Variants in DAGLA observed in about 807,000 individuals in gnomAD.
The protein encoded by DAGLA is diacylglycerol lipase alpha.
Under a neutral mutation model 102.6 loss-of-function variants are expected in DAGLA, and 22 were observed. The ratio of observed to expected loss-of-function variants is 0.21; its 90% CI spans 0.15 to 0.31. The LOEUF is 0.31. Ranked by LOEUF, DAGLA falls within the 10% of genes least tolerant of loss-of-function variation. The pLI is 1.00. For synonymous variants in DAGLA, 578 were observed against 628.9 expected, an observed-to-expected ratio of 0.92 and a Z score of 1.21; for missense variants, 927 against 1,446.6, an observed-to-expected ratio of 0.64 and a Z score of 5.83.
chr11:61,688,426 C>T (rs2065001774), intron 1 of DAGLA, among the ~76,000 whole-genome samples: 1 of 152,170 alleles, frequency 6.6e-6, no homozygotes, highest in African/African-American at 2.4e-5. Flanking sequence ...AAGGCATCTG[C>T]ACCCACCCTC....
At position 61,743,965 on chromosome 11, in the gene DAGLA, C is replaced by A. The variant is rs746432570; in HGVS notation, c.2605C>A (p.Arg869=). 1 of 1,611,726 alleles carries A rather than the reference C, an allele frequency of 6.2e-7. No individual in the cohort carries two copies. The highest frequency in any genetic ancestry group is 1.3e-5 in the African/African-American group (1 of 75,028). ...ALGSGGVTPE[R]PPSAAANDEE... ...GGGCAGTGGCGGCGTCACTCCTGAG[C>A]GGCCCCCCAGTGCTGCGGCCAATGA... Residue 869 remains arginine (R), a synonymous_variant, in exon 20 of 20, where the codon CGG becomes AGG. Coordinates refer to ENST00000257215, the MANE Select transcript of DAGLA (RefSeq NM_006133.3).
Position 61,739,454 on chromosome 11 carries a change from A to C in DAGLA, c.1657-11A>C, listed in dbSNP as rs1591054111. ...GCTCTGTCCCCATCTCTCCCACTCC[A>C]CCCCGCGCAGTGGCGGATCATCGTG... On this transcript the variant is annotated splice_polypyrimidine_tract_variant and intron_variant, in intron 16 of 19. Coordinates refer to ENST00000257215, the MANE Select transcript of DAGLA (RefSeq NM_006133.3). 1.3e-6 allele frequency: 2 copies of C among 1,585,126 alleles called. No homozygotes were observed. The highest frequency in any genetic ancestry group is 1.5e-5 in the African/African-American group (1 of 68,476).
chr11:61,681,462 G>A (rs574886331), intron 1 of DAGLA, among the ~76,000 whole-genome samples: 46 of 152,264 alleles, frequency 3.0e-4, no homozygotes, highest in African/African-American at 9.1e-4. Context: ...CCCAGAATAT[G>A]TCCTGAGAAG....
Position 61,728,193 on chromosome 11 carries a change from T to A in DAGLA, c.677T>A (p.Phe226Tyr), listed in dbSNP as rs1199338512. 1 of 1,614,186 alleles carries A rather than the reference T, an allele frequency of 6.2e-7. No homozygotes were observed. Among genetic ancestry groups the A allele is most frequent in the African/African-American group, 1.3e-5 (1 of 75,058 alleles). Residue 226 changes from phenylalanine to tyrosine, a missense_variant, in exon 7 of 20, where the codon TTC becomes TAC. By Grantham distance (22) the Phe-to-Tyr change is conservative. Around this residue, in one of 4 missense-constraint regions of DAGLA, gnomAD observed 231 missense variants for 439.8 expected, o/e 0.53. Coordinates refer to ENST00000257215, the MANE Select transcript of DAGLA (RefSeq NM_006133.3). Reference protein sequence around the residue: ...SEIAYLFAEFFRDLDIVPSDI... With the variant: ...SEIAYLFAEFYRDLDIVPSDI... ...ATCGCCTACCTCTTTGCGGAGTTCT[T>A]CCGGGACCTTGACATTGTGCCATCC...
intron 1 of DAGLA, among the ~76,000 whole-genome samples, chr11:61,713,788 G>T: frequency 6.6e-6 from 1 of 152,226 alleles, no homozygotes; most frequent in East Asian, 1.9e-4. Flanking sequence ...CAGCCTCACT[G>T]TGCTGAGTCC....
At chr11:61,708,672 C>T (rs1311754944) in intron 1 of DAGLA, among the ~76,000 whole-genome samples, 1 of 152,206 alleles carries the variant, frequency 6.6e-6, no homozygotes, top group East Asian at 1.9e-4. Flanking sequence ...CGTGAGCCAC[C>T]ACGCCCAGCC....
intron 1 of DAGLA, among the ~76,000 whole-genome samples, chr11:61,690,401 C>T (rs1292071101): frequency 6.6e-6 from 1 of 152,152 alleles, no homozygotes; most frequent in Non-Finnish European, 1.5e-5. Context: ...GAGGGAGTTC[C>T]TGGGTTGGCA....
intron 6 of DAGLA, among the ~76,000 whole-genome samples, chr11:61,727,186 G>A (rs765567237): frequency 1.3e-5 from 2 of 152,272 alleles, no homozygotes; most frequent in African/African-American, 2.4e-5. Context: ...AGCGTGTGTT[G>A]TGTTGCTTAC....
intron 8 of DAGLA, among the ~76,000 whole-genome samples, chr11:61,730,583 AGCTGGCAGACACTTT>A (rs1323084911): frequency 6.6e-6 from 1 of 152,152 alleles, no homozygotes; most frequent in Non-Finnish European, 1.5e-5. Flanking sequence ...AAAGACTGGA[AGCTGGCAGACACTTT>A]GCTGGGGCAC....
chr11:61,735,361 G>C (rs75785844), intron 10 of DAGLA, among the ~76,000 whole-genome samples, 200 bp from the exon 11 acceptor site: 86 of 152,226 alleles, frequency 5.6e-4, no homozygotes, highest in African/African-American at 2.0e-3. Context: ...AGCAAGGAGC[G>C]GGGAGGGCAG....
At chr11:61,688,575 G>A (rs535905472) in intron 1 of DAGLA, among the ~76,000 whole-genome samples, 9 of 152,338 alleles carry the variant, frequency 5.9e-5, no homozygotes, top group African/African-American at 1.9e-4. Context: ...CTGGCTGGAT[G>A]AGCAGTGCCT....
intron 1 of DAGLA, among the ~76,000 whole-genome samples, chr11:61,715,091 G>A (rs2065226085): frequency 6.6e-6 from 1 of 152,222 alleles, no homozygotes; most frequent in Non-Finnish European, 1.5e-5. Flanking sequence ...AGGTCACACA[G>A]CCAGTAAGTG....
At chr11:61,690,876 T>C (rs2065018306) in intron 1 of DAGLA, among the ~76,000 whole-genome samples, 2 of 152,200 alleles carry the variant, frequency 1.3e-5, no homozygotes, top group Admixed American at 6.5e-5. Flanking sequence ...TCCCCACATG[T>C]AGACCCATCT....
chr11:61,719,922 T>C (rs1565256301), intron 1 of DAGLA, among the ~76,000 whole-genome samples, 190 bp from the exon 2 acceptor site: 1 of 152,132 alleles, frequency 6.6e-6, no homozygotes, highest in Non-Finnish European at 1.5e-5. Context: ...AAGGCTGAAG[T>C]CTGTGTCCTG....
At position 61,720,803 on chromosome 11, in the gene DAGLA, A is replaced by G; in HGVS notation, c.220A>G (p.Met74Val). The change falls in exon 3 of 20, where the codon ATG becomes GTG. Residue 74 changes from methionine (M) to valine (V), a missense_variant. Around this residue, in one of 4 missense-constraint regions of DAGLA, gnomAD observed 231 missense variants for 439.8 expected, o/e 0.53. Transcript: ENST00000257215. The part of the protein sequence containing the change: ...GILLSCMIAE[M>V]AIIWLSMRGG... ...CCTGCTGAGCTGCATGATCGCTGAG[A>G]TGGCCATCATCTGGCTGAGCATGCG... The G allele has an allele frequency of 6.2e-7, 1 of 1,613,822 alleles. No individual in the cohort carries two copies. The highest frequency in any genetic ancestry group is 8.5e-7 in the Non-Finnish European group (1 of 1,180,028).
chr11:61,730,140 C>T (rs2065361578), intron 8 of DAGLA, among the ~76,000 whole-genome samples: 1 of 152,008 alleles, frequency 6.6e-6, no homozygotes, highest in South Asian at 2.1e-4. Flanking sequence ...CCCACTAAAG[C>T]AGGCATTTGT....
intron 14 of DAGLA, 115 bp downstream of exon 14, chr11:61,737,439 G>A: frequency 6.8e-7 from 1 of 1,473,662 alleles, no homozygotes; most frequent in Admixed American, 1.7e-5. Context: ...ATGGAGGTCT[G>A]GGAGTGGCCT....
chr11:61,726,845 C>T (rs2065331059), intron 6 of DAGLA, among the ~76,000 whole-genome samples: 1 of 152,238 alleles, frequency 6.6e-6, no homozygotes, highest in African/African-American at 2.4e-5. Flanking sequence ...CCAGCGTCCC[C>T]TGGTGAGCCG....
At chr11:61,721,736 A>G (rs563185356) in intron 3 of DAGLA, among the ~76,000 whole-genome samples, 1 of 152,310 alleles carries the variant, frequency 6.6e-6, no homozygotes, top group African/African-American at 2.4e-5. Flanking sequence ...TGTAGTGAAC[A>G]CTGCTCTTGT....
Sources: gnomAD v4.1 joint callset for allele counts (sites outside exome capture counted in the v4.1 genomes callset) on GRCh38, gnomAD v4.1.1 for gene constraint, gnomAD v4.1.1 regional missense constraint, MANE v1.5 for transcripts, NCBI Gene and HGNC (gene_info 2026-07-23, HGNC 2026-07-21) for gene names.